The following TBC1D5 variants were observed in gnomAD, a reference collection of about 807,000 sequenced individuals.
The protein encoded by TBC1D5 is TBC1 domain family, member 5.
Under a neutral mutation model 100.3 loss-of-function variants are expected in TBC1D5, and 75 were observed. The observed-to-expected ratio is 0.75, with a 90% confidence interval of 0.62 to 0.91. The LOEUF is 0.91. Among genes scored for constraint, TBC1D5 ranks in the 40% least tolerant of loss-of-function variants. The pLI is 0.00. For synonymous variants in TBC1D5, 323 were observed against 325.6 expected, an observed-to-expected ratio of 0.99 and a Z score of 0.09; for missense variants, 910 against 942.4, an observed-to-expected ratio of 0.97 and a Z score of 0.45.
chr3:17,191,612 C>T (rs1271321896), intron 18 of TBC1D5, among the ~76,000 whole-genome samples: 1 of 151,840 alleles, frequency 6.6e-6, no homozygotes, highest in African/African-American at 2.4e-5. Context: ...CTATGCAAAC[C>T]TTATTTTTTA....
chr3:17,510,606 A>G (rs1277026072), intron 2 of TBC1D5, among the ~76,000 whole-genome samples: 2 of 152,046 alleles, frequency 1.3e-5, no homozygotes. Context: ...CGAAATGTAG[A>G]TGATCGGTTA....
At chr3:17,377,259 C>T (rs558317846) in intron 9 of TBC1D5, among the ~76,000 whole-genome samples, 6 of 151,914 alleles carry the variant, frequency 3.9e-5, no homozygotes, top group Admixed American at 6.6e-5. Flanking sequence ...TTCACCAATA[C>T]GATTTTCCTC....
intron 2 of TBC1D5, among the ~76,000 whole-genome samples, chr3:17,556,926 G>T (rs921623282): frequency 2.6e-5 from 4 of 152,090 alleles, no homozygotes; most frequent in African/African-American, 9.7e-5. Flanking sequence ...TTAAGACACT[G>T]GCAAACACAC....
At chr3:17,210,210 C>T (rs939740582) in intron 18 of TBC1D5, among the ~76,000 whole-genome samples, 32 of 148,540 alleles carry the variant, frequency 2.2e-4, no homozygotes, top group South Asian at 2.1e-4. Flanking sequence ...TTTTTTGAGA[C>T]GGATTCTTGC....
intron 1 of TBC1D5, among the ~76,000 whole-genome samples, chr3:17,705,777 C>CA (rs2074057528): frequency 7.1e-6 from 1 of 141,228 alleles, no homozygotes; most frequent in East Asian, 2.2e-4. Flanking sequence ...GGCAGCCAGG[C>CA]AGAGGGGCTC....
intron 9 of TBC1D5, among the ~76,000 whole-genome samples, chr3:17,381,811 T>C (rs1273416856): frequency 6.6e-6 from 1 of 152,064 alleles, no homozygotes; most frequent in African/African-American, 2.4e-5. Context: ...TTTTATATAC[T>C]TTAAGTTTTT....
intron 2 of TBC1D5, among the ~76,000 whole-genome samples, chr3:17,557,024 T>C (rs940498867): frequency 1.3e-5 from 2 of 152,132 alleles, no homozygotes; most frequent in Admixed American, 6.5e-5. Flanking sequence ...CTAAAGTACC[T>C]TCCTCCCTCA....
chr3:17,508,304 T>C (rs2095864699), intron 3 of TBC1D5, among the ~76,000 whole-genome samples, 170 bp downstream of exon 3: 1 of 152,238 alleles, frequency 6.6e-6, no homozygotes, highest in South Asian at 2.1e-4. Context: ...GTTGAAGTAT[T>C]CATTAGTGTC....
chr3:17,225,295 T>C (rs1408575797), intron 17 of TBC1D5, among the ~76,000 whole-genome samples: 1 of 151,468 alleles, frequency 6.6e-6, no homozygotes, highest in Non-Finnish European at 1.5e-5. Context: ...AAAAATTAGC[T>C]GGGCATGGTG....
chr3:17,741,755 T>C (rs1475177253), upstream of TBC1D5, among the ~76,000 whole-genome samples: 1 of 151,026 alleles, frequency 6.6e-6, no homozygotes, highest in Non-Finnish European at 1.5e-5. Flanking sequence ...TGTGTGTTTT[T>C]CCAGGAAAAG....
chr3:17,660,657 A>G (rs1368764623), intron 1 of TBC1D5, among the ~76,000 whole-genome samples: 1 of 152,236 alleles, frequency 6.6e-6, no homozygotes, highest in Admixed American at 6.5e-5. Context: ...GAAGGAAACC[A>G]GCCTGAAGAT....
chr3:17,597,193 C>G (rs2060629103), intron 2 of TBC1D5, among the ~76,000 whole-genome samples: 1 of 152,138 alleles, frequency 6.6e-6, no homozygotes, highest in Admixed American at 6.5e-5. Flanking sequence ...TGCTTTTACC[C>G]TATGACTTAC....
chr3:17,715,912 T>C (rs1427352726), intron 1 of TBC1D5, among the ~76,000 whole-genome samples: 1 of 151,832 alleles, frequency 6.6e-6, no homozygotes, highest in Non-Finnish European at 1.5e-5. Flanking sequence ...TTTAGCCAGA[T>C]GTGGTGGCAC....
At chr3:17,277,360 C>G (rs1379381521) in intron 15 of TBC1D5, among the ~76,000 whole-genome samples, 5 of 152,036 alleles carry the variant, frequency 3.3e-5, no homozygotes, top group Admixed American at 2.6e-4. Flanking sequence ...TATTTTATTA[C>G]TTTTTTCTTA....
At chr3:17,465,984 T>C (rs896830589) in intron 3 of TBC1D5, among the ~76,000 whole-genome samples, 1 of 152,210 alleles carries the variant, frequency 6.6e-6, no homozygotes, top group Admixed American at 6.5e-5. Flanking sequence ...ACTCAACTAT[T>C]GTGAAGAATT....
intron 3 of TBC1D5, among the ~76,000 whole-genome samples, chr3:17,496,448 GCACACACACACACGCA>G: frequency 6.6e-6 from 1 of 150,864 alleles, no homozygotes; most frequent in Admixed American, 6.7e-5. Context: ...ATACATACAT[GCACACACACACACGCA>G]CACACACACA....
intron 13 of TBC1D5, among the ~76,000 whole-genome samples, chr3:17,333,772 T>A (rs6762516): frequency 0.5 from 75,611 of 151,834 alleles, 20,241 homozygotes; most frequent in African/African-American, 0.67. Context: ...GTTTAAGAAG[T>A]CAGGAAATAT....
At chr3:17,430,272 G>A (rs1326776372) in intron 3 of TBC1D5, among the ~76,000 whole-genome samples, 1 of 151,766 alleles carries the variant, frequency 6.6e-6, no homozygotes, top group Non-Finnish European at 1.5e-5. Context: ...TAAAATATGA[G>A]CTTCTTTCTC....
chr3:17,499,649 T>C (rs576801482), intron 3 of TBC1D5, among the ~76,000 whole-genome samples: 1 of 147,800 alleles, frequency 6.8e-6, no homozygotes, highest in African/African-American at 2.6e-5. Flanking sequence ...TGAGCCATGA[T>C]TGTACCACTG....
Sources: allele counts gnomAD v4.1 joint callset (sites outside exome capture counted in the v4.1 genomes callset), GRCh38; gene constraint gnomAD v4.1.1; transcripts MANE v1.5; gene names NCBI Gene and HGNC (gene_info 2026-07-23, HGNC 2026-07-21).